KCNH7: variants seen among roughly 807,000 people sequenced by gnomAD.
The protein encoded by KCNH7 is potassium voltage-gated channel subfamily H member 7.
Under a neutral mutation model 120.8 loss-of-function variants are expected in KCNH7, and 49 were observed. That is an observed-to-expected ratio of 0.41 (90% CI 0.32 to 0.51). KCNH7 has a LOEUF of 0.51. Among genes scored for constraint, KCNH7 ranks in the 20% least tolerant of loss-of-function variants. The pLI is 0.38. For missense variants in KCNH7, 1,097 were observed against 1,446.6 expected (o/e 0.76, Z 3.92); for synonymous variants, 547 against 516.1 (o/e 1.06, Z -0.81).
At chr2:162,520,155 C>CTTTTTT (rs397873711) in intron 3 of KCNH7, among the ~76,000 whole-genome samples, 179 of 89,898 alleles carry the variant, frequency 2.0e-3, no homozygotes, top group African/African-American at 3.2e-3. Context: ...CAAGCCCAGG[C>CTTTTTT]TTTTTTTTTT....
intron 2 of KCNH7, among the ~76,000 whole-genome samples, chr2:162,785,800 T>C (rs1374206459): frequency 6.6e-6 from 1 of 152,150 alleles, no homozygotes; most frequent in African/African-American, 2.4e-5. Context: ...TAGGGGCAAC[T>C]TTTTCAGGCA....
At chr2:162,818,675 A>G (rs1176879000) in intron 2 of KCNH7, among the ~76,000 whole-genome samples, 2 of 152,180 alleles carry the variant, frequency 1.3e-5, no homozygotes, top group African/African-American at 2.4e-5. Flanking sequence ...TTCAAGTTCC[A>G]ATTCATGAAT....
chr2:162,703,404 T>C (rs991426503), intron 2 of KCNH7, among the ~76,000 whole-genome samples: 5 of 152,176 alleles, frequency 3.3e-5, no homozygotes. Context: ...TCTTAACTTT[T>C]AATTTTATTT....
intron 2 of KCNH7, among the ~76,000 whole-genome samples, chr2:162,644,500 T>C (rs539945434): frequency 6.6e-6 from 1 of 152,326 alleles, no homozygotes; most frequent in South Asian, 2.1e-4. Context: ...CATCCTGTCC[T>C]GAATATAACC....
At chr2:162,545,858 C>T (rs1692459710) in intron 2 of KCNH7, among the ~76,000 whole-genome samples, 1 of 152,028 alleles carries the variant, frequency 6.6e-6, no homozygotes. Flanking sequence ...GAGTTGTTCC[C>T]CTTCCTTTTC....
At chr2:162,569,332 A>G (rs1469009486) in intron 2 of KCNH7, among the ~76,000 whole-genome samples, 1 of 151,752 alleles carries the variant, frequency 6.6e-6, no homozygotes, top group Non-Finnish European at 1.5e-5. Flanking sequence ...TGTTTGTAGT[A>G]TTCTCTGATG....
chr2:162,376,168 T>A (rs2105393162), intron 14 of KCNH7, among the ~76,000 whole-genome samples: 1 of 152,106 alleles, frequency 6.6e-6, no homozygotes, highest in South Asian at 2.1e-4. Context: ...AAATATGAAA[T>A]CTGATTTCAC....
intron 2 of KCNH7, among the ~76,000 whole-genome samples, chr2:162,785,553 A>AT (rs35254894): frequency 0.065 from 9,776 of 151,110 alleles, 358 homozygotes; most frequent in South Asian, 0.11. Flanking sequence ...TCTTCACTGT[A>AT]TTTTTTTTTT....
At chr2:162,675,921 C>G (rs192503981) in intron 2 of KCNH7, among the ~76,000 whole-genome samples, 133 of 151,382 alleles carry the variant, frequency 8.8e-4, no homozygotes, top group Non-Finnish European at 1.6e-3. Context: ...ATAGTGTATA[C>G]AAATAATTTA....
intron 10 of KCNH7, among the ~76,000 whole-genome samples, 199 bp from the exon 11 acceptor site, chr2:162,397,144 T>C (rs887403793): frequency 2.8e-4 from 42 of 151,806 alleles, no homozygotes; most frequent in Non-Finnish European, 2.9e-5. Context: ...GGTCCTTTTA[T>C]TTCCTTGCTT....
intron 6 of KCNH7, among the ~76,000 whole-genome samples, chr2:162,466,812 T>C (rs1378310273): frequency 2.0e-5 from 3 of 152,158 alleles, no homozygotes; most frequent in Non-Finnish European, 2.9e-5. Flanking sequence ...ACAATTTAAT[T>C]GGACACTAAC....
intron 6 of KCNH7, among the ~76,000 whole-genome samples, chr2:162,471,009 G>A (rs1689504778): frequency 6.6e-6 from 1 of 152,118 alleles, no homozygotes; most frequent in South Asian, 2.1e-4. Context: ...ATTAAGGGCG[G>A]TGCAAGATGT....
chr2:162,564,785 G>A (rs373809753), intron 2 of KCNH7, among the ~76,000 whole-genome samples: 6 of 151,994 alleles, frequency 3.9e-5, no homozygotes, highest in African/African-American at 1.2e-4. Flanking sequence ...GGCTAGATCC[G>A]CATTCTGTTC....
intron 2 of KCNH7, among the ~76,000 whole-genome samples, chr2:162,727,954 T>C (rs1278440853): frequency 6.6e-6 from 1 of 152,184 alleles, no homozygotes; most frequent in African/African-American, 2.4e-5. Context: ...CTACTCACTG[T>C]AAACAACATA....
At chr2:162,702,970 G>C (rs1261305255) in intron 2 of KCNH7, among the ~76,000 whole-genome samples, 1 of 151,988 alleles carries the variant, frequency 6.6e-6, no homozygotes, top group Non-Finnish European at 1.5e-5. Context: ...ACTAGATCTT[G>C]GTAAGAACAC....
At position 162,400,394 on chromosome 2, in the gene KCNH7, A is replaced by T. The variant is rs371886389; in HGVS notation, c.2202T>A (p.His734Gln). The T allele has an allele frequency of 1.2e-6, 2 of 1,612,224 alleles. No homozygotes were observed. Among genetic ancestry groups the T allele is most frequent in the Non-Finnish European group, 1.7e-6 (2 of 1,178,792 alleles). The change falls in exon 10 of 16, where the codon CAT becomes CAA. Residue 734 changes from histidine to glutamine, a missense_variant. Coordinates refer to ENST00000332142, the MANE Select transcript of KCNH7 (RefSeq NM_033272.4). ...AGTTTTGCAGCAATGTCTGGTTGAG[A>T]TGTAGACAAATGTCTGCTTGTAAGC... is the stretch of plus-strand genomic sequence containing the variant. ...PECLQADICL[H>Q]LNQTLLQNCK...
At chr2:162,439,406 A>G (rs1688352794) in intron 7 of KCNH7, among the ~76,000 whole-genome samples, 1 of 152,116 alleles carries the variant, frequency 6.6e-6, no homozygotes, top group Non-Finnish European at 1.5e-5. Flanking sequence ...ATTTTGCAGT[A>G]CATTGAAGCA....
intron 9 of KCNH7, among the ~76,000 whole-genome samples, chr2:162,412,756 A>G (rs1363011863): frequency 1.3e-5 from 2 of 152,190 alleles, no homozygotes; most frequent in Non-Finnish European, 2.9e-5. Context: ...TAACTGTTTA[A>G]TGACCGAAAG....
At chr2:162,822,652 T>G (rs1685156128) in intron 2 of KCNH7, among the ~76,000 whole-genome samples, 1 of 152,232 alleles carries the variant, frequency 6.6e-6, no homozygotes, top group Admixed American at 6.5e-5. Flanking sequence ...AATGTTTCAA[T>G]TCATTCAATT....
Sources: gnomAD v4.1 joint callset for allele counts (sites outside exome capture counted in the v4.1 genomes callset) on GRCh38, gnomAD v4.1.1 for gene constraint, MANE v1.5 for transcripts, NCBI Gene and HGNC (gene_info 2026-07-23, HGNC 2026-07-21) for gene names.